GRWD1: variants seen among roughly 807,000 people sequenced by gnomAD.
GRWD1 encodes glutamate-rich WD repeat-containing protein 1.
In GRWD1, 29 loss-of-function variants were observed where a neutral mutation model predicts 45.3. The observed-to-expected ratio is 0.64, with a 90% CI of 0.48 to 0.87. The LOEUF is 0.87. Among genes scored for constraint, GRWD1 ranks in the 40% least tolerant of loss-of-function variants. GRWD1 has a pLI of 0.00. For synonymous variants in GRWD1, 262 were observed against 257.6 expected (o/e 1.02, Z -0.16); for missense variants, 592 against 618.8 (o/e 0.96, Z 0.46).
In GRWD1 at chr19:48,446,002, G is replaced by T. The variant is rs759116427; in HGVS notation, c.-4G>T. 33 of 1,579,264 alleles carry T rather than the reference G, an allele frequency of 2.1e-5. No homozygotes were observed. The highest frequency in any genetic ancestry group is 2.6e-5 in the Non-Finnish European group (30 of 1,164,230). On this transcript the variant is annotated 5_prime_UTR_variant, in exon 1 of 7. Coordinates refer to ENST00000253237, the MANE Select transcript of GRWD1 (RefSeq NM_031485.4). ...CCGGGTGTCAGCAGCGAGAGGGTTC[G>T]AAGATGGCGGCGCGCAAGGGTCGGC...
In GRWD1 at chr19:48,446,772, G is replaced by A. The variant is rs373794519; in HGVS notation, c.397G>A (p.Asp133Asn). Residue 133 changes from aspartate to asparagine, a missense_variant, in exon 3 of 7, where the codon GAT becomes AAT. Physicochemically the swap from Asp to Asn is conservative, Grantham distance 23. Coordinates refer to ENST00000253237, the MANE Select transcript of GRWD1 (RefSeq NM_031485.4). ...AGAAGAAGAGGAGGAAGATGAAGAG[G>A]ATGAAGAAGAGCGGAAACCTCAGCT... is the stretch of plus-strand genomic sequence containing the variant. The part of the protein sequence containing the change: ...DEEEEEEDEE[D>N]EEERKPQLEL... 1.3e-5 allele frequency: 21 copies of A among 1,614,044 alleles called. No individual in the cohort carries two copies. The highest frequency in any genetic ancestry group is 1.7e-5 in the Non-Finnish European group (20 of 1,180,026).
In GRWD1 at chr19:48,446,789, A is replaced by C; in HGVS notation, c.414A>C (p.Lys138Asn). 6.2e-7 allele frequency: 1 copy of C among 1,613,964 alleles called. No individual in the cohort carries two copies. Among genetic ancestry groups the C allele is most frequent in the Non-Finnish European group, 8.5e-7 (1 of 1,179,990 alleles). Residue 138 changes from lysine to asparagine, a missense_variant, in exon 3 of 7, where the codon AAA (lysine) becomes AAC (asparagine). By Grantham distance (94) the Lys-to-Asn change is moderately conservative. Transcript: ENST00000253237. ...EEDEEDEEER[K>N]PQLELAMVPH... ...ATGAAGAGGATGAAGAAGAGCGGAA[A>C]CCTCAGCTGGAGCTGGCCATGGTGC...
intron 3 of GRWD1, among the ~76,000 whole-genome samples, chr19:48,448,854 C>A (rs1206545812): frequency 6.6e-6 from 1 of 152,048 alleles, no homozygotes; most frequent in Non-Finnish European, 1.5e-5. Flanking sequence ...AGAGCCTTGT[C>A]GGCCACTGTA....
At chr19:48,449,544 C>T (rs1295762953) in intron 3 of GRWD1, among the ~76,000 whole-genome samples, 1 of 152,202 alleles carries the variant, frequency 6.6e-6, no homozygotes, top group Non-Finnish European at 1.5e-5. Context: ...AATGGTCAGG[C>T]TGGCACAGTG....
chr19:48,448,298 G>A (rs1393448902), intron 3 of GRWD1, among the ~76,000 whole-genome samples: 5 of 152,164 alleles, frequency 3.3e-5, no homozygotes, highest in African/African-American at 1.2e-4. Flanking sequence ...TGATCAGGTA[G>A]ACTTGTAAGT....
At chr19:48,451,702 G>A (rs539741573) in intron 6 of GRWD1, among the ~76,000 whole-genome samples, 1 of 152,292 alleles carries the variant, frequency 6.6e-6, no homozygotes, top group South Asian at 2.1e-4. Context: ...GGGTCCCTGT[G>A]CAGGAGAAGT....
chr19:48,447,552 T>C (rs1971424351), intron 3 of GRWD1, among the ~76,000 whole-genome samples: 1 of 152,208 alleles, frequency 6.6e-6, no homozygotes, highest in Non-Finnish European at 1.5e-5. Context: ...ATTTTTTGTA[T>C]TTTTAGTAGA....
rs942583976 is a variant in GRWD1, at chr19:48,452,391, C to A, written c.1024-317C>A. On this transcript the variant is annotated intron_variant, in intron 6 of 6. Coordinates refer to ENST00000253237, the MANE Select transcript of GRWD1 (RefSeq NM_031485.4). This position sits in a 1 kb window ranked among gnomAD's most constrained non-coding sequence, Gnocchi z 5.1. ...GAGATTACAGTCGTGAGCCACCGCA[C>A]CCAGCCCATGCCCTCCTTTTACAAG... 6.6e-6 allele frequency among the ~76,000 whole-genome samples: 1 copy of A among 152,028 alleles called. No individual in the cohort carries two copies. Among genetic ancestry groups the A allele is most frequent in the African/African-American group, 2.4e-5 (1 of 41,472 alleles).
At position 48,452,994 on chromosome 19, in the gene GRWD1, GCTTCACCAT is replaced by G; in HGVS notation, c.1315_1323del (p.Thr439_Phe441del). The G allele has an allele frequency of 6.3e-7, 1 of 1,596,674 alleles. No individual in the cohort carries two copies. Among genetic ancestry groups the G allele is most frequent in the Non-Finnish European group, 8.6e-7 (1 of 1,167,996 alleles). On this transcript the variant is annotated inframe_deletion, in exon 7 of 7. Coordinates refer to ENST00000253237, the MANE Select transcript of GRWD1 (RefSeq NM_031485.4). This position sits in a 1 kb window ranked among gnomAD's most constrained non-coding sequence, Gnocchi z 5.1. ...CTCCTGGTCAGCACGGCGCTGTCAG[GCTTCACCAT>G]CTTCCGCACCATCAGCGTCTGAGGC...
At chr19:48,449,245 C>T (rs954132720) in intron 3 of GRWD1, among the ~76,000 whole-genome samples, 3 of 152,142 alleles carry the variant, frequency 2.0e-5, no homozygotes, top group Non-Finnish European at 4.4e-5. Flanking sequence ...AGCCACCCAC[C>T]AGCACGCCCG....
At chr19:48,446,989 T>C (rs1397904191) in intron 3 of GRWD1, 146 bp downstream of exon 3, 4 of 735,264 alleles carry the variant, frequency 5.4e-6, no homozygotes, top group Non-Finnish European at 8.2e-6. Flanking sequence ...CAGGCTGGAG[T>C]GCAGTGGCGC....
At chr19:48,447,765 T>A (rs964908395) in intron 3 of GRWD1, among the ~76,000 whole-genome samples, 1 of 152,182 alleles carries the variant, frequency 6.6e-6, no homozygotes, top group Non-Finnish European at 1.5e-5. Context: ...TTAGGTACTG[T>A]TTTAGATTAT....
chr19:48,448,493 C>T (rs1971436319), intron 3 of GRWD1, among the ~76,000 whole-genome samples: 1 of 152,148 alleles, frequency 6.6e-6, no homozygotes. Flanking sequence ...CGAGATGAAA[C>T]TAAGTAAATG....
Position 48,452,013 on chromosome 19 carries a change from T to C in GRWD1, c.1024-695T>C, listed in dbSNP as rs955214797. On this transcript the variant is annotated intron_variant, in intron 6 of 6. Coordinates refer to ENST00000253237, the MANE Select transcript of GRWD1 (RefSeq NM_031485.4). The surrounding 1 kb of genome is among the most constrained non-coding windows in gnomAD (Gnocchi z 5.1). Reference sequence around the variant, plus strand: ...CTTTCTTTGGGTCGGCTTCCGGGGATTGTGTTTCTGCCTCCTTTGAGGCCT... The same window carrying C: ...CTTTCTTTGGGTCGGCTTCCGGGGACTGTGTTTCTGCCTCCTTTGAGGCCT... Among the ~76,000 whole-genome samples, 1 of 152,182 alleles carries C rather than the reference T, an allele frequency of 6.6e-6. No individual in the cohort carries two copies. The highest frequency in any genetic ancestry group is 2.4e-5 in the African/African-American group (1 of 41,440).
At position 48,454,285 on chromosome 19, in the gene GRWD1, C is replaced by T. The variant is rs1971509659; in HGVS notation, c.*1260C>T. ...TCTCCCGTCCCCCACTGCCAGTCTC[C>T]CTGCCCCCTAGTCGCTGTCTCGCTC... On this transcript the variant is annotated 3_prime_UTR_variant, in exon 7 of 7. Coordinates refer to ENST00000253237, the MANE Select transcript of GRWD1 (RefSeq NM_031485.4). 6.6e-6 allele frequency: 1 copy of T among 151,868 alleles called. No individual in the cohort carries two copies. The highest frequency in any genetic ancestry group is 1.5e-5 in the Non-Finnish European group (1 of 68,066). 9.4% of individuals were successfully genotyped at this position (151,868 alleles called of 1,614,324 possible). A position where few individuals can be genotyped will look rare whatever the true frequency, so the allele number is the denominator to read the frequency against.
rs938597188 is a variant in GRWD1, at chr19:48,456,854, A to ATTAT, written c.*3840_*3843dup. ...TTTCTTCCTTTATTTTTTATTTTTA[A>ATTAT]TTATTTATTTATTTTTTAGAGACAG... On this transcript the variant is annotated 3_prime_UTR_variant, in exon 7 of 7. Transcript: ENST00000253237. 2 of 151,530 alleles carry ATTAT rather than the reference A, an allele frequency of 1.3e-5. No homozygotes were observed. The highest frequency in any genetic ancestry group is 4.9e-5 in the African/African-American group (2 of 41,192). The allele number at this position is 151,530 out of a possible 1,614,324, so 9.4% of individuals were successfully genotyped here.
rs1328206184 is a variant in GRWD1, at chr19:48,453,361, G to A, written c.*336G>A. On this transcript the variant is annotated 3_prime_UTR_variant, in exon 7 of 7. Coordinates refer to ENST00000253237, the MANE Select transcript of GRWD1 (RefSeq NM_031485.4). ...AGTTTTTTGTTTGTTTGTTTGAGAC[G>A]GAGTCTTGGTCTGTCGCCCAGGCTG... The A allele has an allele frequency of 1.3e-5, 3 of 222,526 alleles. No homozygotes were observed. Among genetic ancestry groups the A allele is most frequent in the East Asian group, 9.7e-5 (1 of 10,282 alleles). 13.8% of individuals were successfully genotyped at this position (222,526 alleles called of 1,614,324 possible).
chr19:48,449,652 G>T (rs1050011251), intron 3 of GRWD1, among the ~76,000 whole-genome samples: 5 of 152,096 alleles, frequency 3.3e-5, no homozygotes, highest in Non-Finnish European at 7.3e-5. Flanking sequence ...GTGAGACCCT[G>T]TCTCTACAAA....
chr19:48,453,087 T>A lies in GRWD1; in HGVS notation c.*62T>A. ...AAACTGAAGTCGAATTGGGCTCCCC[T>A]GGAAGGGGTTCATTCAGGTCTGTTG... On this transcript the variant is annotated 3_prime_UTR_variant, in exon 7 of 7. Coordinates refer to ENST00000253237, the MANE Select transcript of GRWD1 (RefSeq NM_031485.4). 6.9e-7 allele frequency: 1 copy of A among 1,448,800 alleles called. No individual in the cohort carries two copies. Among genetic ancestry groups the A allele is most frequent in the South Asian group, 1.3e-5 (1 of 77,222 alleles). The allele number at this position is 1,448,800 out of a possible 1,614,324, so 89.7% of individuals were successfully genotyped here.
Sources: gnomAD v4.1 joint callset for allele counts (sites outside exome capture counted in the v4.1 genomes callset) on GRCh38, gnomAD v4.1.1 for gene constraint, Gnocchi (gnomAD v3.1) non-coding constraint, MANE v1.5 for transcripts, NCBI Gene and HGNC (gene_info 2026-07-23, HGNC 2026-07-21) for gene names.